USH2A: variants seen among roughly 807,000 people sequenced by gnomAD.
USH2A encodes Usher syndrome 2A (autosomal recessive, mild).
In USH2A, 443 loss-of-function variants were observed where a neutral mutation model predicts 538.9. That is an observed-to-expected ratio of 0.82 (90% CI 0.76 to 0.89). USH2A has a LOEUF of 0.89. Ranked by LOEUF, USH2A falls within the 40% of genes least tolerant of loss-of-function variation. USH2A has a pLI of 0.00. For synonymous variants in USH2A, 2,413 were observed against 2,273.5 expected (o/e 1.06, Z -1.75); for missense variants, 6,633 against 6,324.8 (o/e 1.05, Z -1.65).
At chr1:215,651,012 C>A (rs1425581269) in intron 64 of USH2A, among the ~76,000 whole-genome samples, 7 of 151,912 alleles carry the variant, frequency 4.6e-5, no homozygotes, top group Admixed American at 4.6e-4. Flanking sequence ...TTGCCTTTTG[C>A]CTTTGACCAT....
chr1:216,410,864 T>G (rs1480528793), intron 3 of USH2A, among the ~76,000 whole-genome samples: 1 of 152,172 alleles, frequency 6.6e-6, no homozygotes, highest in Non-Finnish European at 1.5e-5. Context: ...GCATATTCAC[T>G]ATTGTCTTCA....
intron 58 of USH2A, among the ~76,000 whole-genome samples, chr1:215,747,206 C>A (rs1186875060): frequency 6.6e-6 from 1 of 152,112 alleles, no homozygotes; most frequent in Non-Finnish European, 1.5e-5. Context: ...GGATTTTCTA[C>A]CCTAGACATG....
At position 216,349,145 on chromosome 1, in the gene USH2A, A is replaced by C. The variant is rs2102688092; in HGVS notation, c.784+15808T>G. On this transcript the variant is annotated intron_variant, in intron 4 of 71. Coordinates refer to ENST00000307340, the MANE Select transcript of USH2A (RefSeq NM_206933.4). ...CAGGTATCAACTTTTGTCAGAACTC[A>C]AGTATTCTGAATGGACCTTGACATA... Among the ~76,000 whole-genome samples the C allele has an allele frequency of 2.0e-5, 3 of 152,238 alleles. No homozygotes were observed. The Middle Eastern group carries it at 0.01, about 518-fold the overall frequency.
intron 50 of USH2A, among the ~76,000 whole-genome samples, chr1:215,797,703 A>AG (rs1379561943): frequency 6.6e-6 from 1 of 152,158 alleles, no homozygotes; most frequent in African/African-American, 2.4e-5. Flanking sequence ...CCTACTGCTC[A>AG]GAAAAAAGAT....
At chr1:215,719,873 G>A (rs541941863) in intron 61 of USH2A, among the ~76,000 whole-genome samples, 1 of 152,208 alleles carries the variant, frequency 6.6e-6, no homozygotes, top group South Asian at 2.1e-4. Context: ...TTTAAGATAT[G>A]GTTTGGAAAT....
At chr1:216,331,432 A>G (rs1027090152) in intron 4 of USH2A, among the ~76,000 whole-genome samples, 3 of 152,124 alleles carry the variant, frequency 2.0e-5, no homozygotes, top group Non-Finnish European at 4.4e-5. Context: ...AGAAGTTGTT[A>G]TGCATTACAA....
chr1:215,857,581 A>G (rs910687396), intron 44 of USH2A, among the ~76,000 whole-genome samples: 1 of 152,184 alleles, frequency 6.6e-6, no homozygotes, highest in Admixed American at 6.5e-5. Flanking sequence ...GAAAGGAGAA[A>G]CACGCACATG....
At position 215,624,890 on chromosome 1, in the gene USH2A, T is replaced by C. The variant is rs1455652939; in HGVS notation, c.*891A>G. The C allele has an allele frequency of 6.6e-6, 1 of 152,200 alleles. No individual in the cohort carries two copies. The highest frequency in any genetic ancestry group is 1.5e-5 in the Non-Finnish European group (1 of 68,036). The allele number at this position is 152,200 out of a possible 1,614,324, so 9.4% of individuals were successfully genotyped here. On this transcript the variant is annotated 3_prime_UTR_variant, in exon 72 of 72. Coordinates refer to ENST00000307340, the MANE Select transcript of USH2A (RefSeq NM_206933.4). ...ATTTCACGCAGCCTAATATTGCAAA[T>C]AGAACAGTAGTTTCCATTTGAAATG... is the stretch of plus-strand genomic sequence containing the variant.
In USH2A at chr1:216,401,260, T is replaced by G. The variant is rs72733366; in HGVS notation, c.651+17254A>C. Among the ~76,000 whole-genome samples, 1,114 of 152,180 alleles carry G rather than the reference T, an allele frequency of 7.3e-3. 10 individuals are homozygous for G. The highest frequency in any genetic ancestry group is 0.012 in the Non-Finnish European group (847 of 67,932). ...AGTGACTTACATATACTTTAATACC[T>G]AGAGCCACTAAAAACACTATACAAA... On this transcript the variant is annotated intron_variant, in intron 3 of 71. Coordinates refer to ENST00000307340, the MANE Select transcript of USH2A (RefSeq NM_206933.4).
At chr1:216,029,835 G>C (rs1045371004) in intron 32 of USH2A, among the ~76,000 whole-genome samples, 6 of 151,378 alleles carry the variant, frequency 4.0e-5, no homozygotes, top group Non-Finnish European at 7.4e-5. Context: ...GGAGGGCCCT[G>C]TTATGATGTC....
At chr1:215,648,476 T>C in intron 66 of USH2A, 52 bp downstream of exon 66, 2 of 1,576,296 alleles carry the variant, frequency 1.3e-6, no homozygotes, top group East Asian at 2.2e-5. Context: ...TGAGTTCATA[T>C]GTCTGTACAC....
At chr1:216,042,078 T>G (rs1393404392) in intron 32 of USH2A, among the ~76,000 whole-genome samples, 1 of 152,036 alleles carries the variant, frequency 6.6e-6, no homozygotes, top group East Asian at 1.9e-4. Flanking sequence ...AATGCATTAA[T>G]AAATATCCAT....
chr1:216,020,192 T>C (rs1668815885), intron 32 of USH2A, among the ~76,000 whole-genome samples: 1 of 152,198 alleles, frequency 6.6e-6, no homozygotes, highest in Non-Finnish European at 1.5e-5. Context: ...TTAAATAAAA[T>C]AATACATCTG....
At chr1:216,318,567 CTT>C (rs1218559526) in intron 9 of USH2A, among the ~76,000 whole-genome samples, 2 of 152,120 alleles carry the variant, frequency 1.3e-5, no homozygotes, top group Non-Finnish European at 2.9e-5. Flanking sequence ...AGTCTATTGA[CTT>C]TTTCCCTGCA....
intron 58 of USH2A, 83 bp downstream of exon 58, chr1:215,758,512 A>C: frequency 2.0e-6 from 3 of 1,506,558 alleles, no homozygotes; most frequent in Non-Finnish European, 1.8e-6. Flanking sequence ...CTGATTTACT[A>C]AATTAACAGT....
chr1:215,675,695 TCAC>T (rs1658001112), intron 62 of USH2A, 79 bp from the exon 63 acceptor site: 2 of 1,608,452 alleles, frequency 1.2e-6, no homozygotes, highest in Non-Finnish European at 1.7e-6. Flanking sequence ...TTTTTAACCT[TCAC>T]CCCCTTGTTC....
At chr1:215,771,977 C>T (rs1321664672) in intron 55 of USH2A, among the ~76,000 whole-genome samples, 1 of 152,006 alleles carries the variant, frequency 6.6e-6, no homozygotes. Context: ...TACTAATAGG[C>T]TTGGTTCAGA....
At chr1:216,218,259 G>A (rs1022213688) in intron 14 of USH2A, among the ~76,000 whole-genome samples, 1 of 152,070 alleles carries the variant, frequency 6.6e-6, no homozygotes, top group Non-Finnish European at 1.5e-5. Flanking sequence ...TGGACCCAAA[G>A]TTGCTTGTAA....
intron 20 of USH2A, among the ~76,000 whole-genome samples, chr1:216,178,256 T>C (rs2034430355): frequency 6.6e-6 from 1 of 152,214 alleles, no homozygotes; most frequent in South Asian, 2.1e-4. Context: ...CCATGTGATA[T>C]TTTATTTTTA....
Sources: gnomAD v4.1 joint callset for allele counts (sites outside exome capture counted in the v4.1 genomes callset) on GRCh38, gnomAD v4.1.1 for gene constraint, MANE v1.5 for transcripts, NCBI Gene and HGNC (gene_info 2026-07-23, HGNC 2026-07-21) for gene names.